GRID2: variants seen among roughly 807,000 people sequenced by gnomAD.
The protein encoded by GRID2 is glutamate receptor ionotropic, delta-2.
Under a neutral mutation model 114.8 loss-of-function variants are expected in GRID2, and 33 were observed. The ratio of observed to expected loss-of-function variants is 0.29; its 90% confidence interval spans 0.22 to 0.38. The LOEUF (loss-of-function observed/expected upper bound fraction) is 0.38, where lower values mean the gene tolerates loss of function less well. Ranked by LOEUF, GRID2 falls within the 10% of genes least tolerant of loss-of-function variation. GRID2 has a pLI of 1.00. For missense variants in GRID2, 1,184 were observed against 1,257.7 expected (o/e 0.94, Z 0.89); for synonymous variants, 505 against 449.9 (o/e 1.12, Z -1.55).
rs541858353 is a variant in GRID2, at chr4:93,360,830, T to A, written c.1246-34777T>A. On this transcript the variant is annotated intron_variant, in intron 8 of 15. Transcript: ENST00000282020. Reference sequence around the variant, plus strand: ...CAGTTATAGATGATTAGTGCCATTTTAAATTTTTTTTACTCCACATGCAAT... The same window carrying A: ...CAGTTATAGATGATTAGTGCCATTTAAAATTTTTTTTACTCCACATGCAAT... 1.6e-3 allele frequency among the ~76,000 whole-genome samples: 244 copies of A among 152,042 alleles called. 1 individual carries two copies. The highest frequency in any genetic ancestry group is 2.9e-3 in the Non-Finnish European group (194 of 67,906).
intron 2 of GRID2, among the ~76,000 whole-genome samples, chr4:92,703,998 G>T (rs1010977763): frequency 1.3e-5 from 2 of 152,084 alleles, no homozygotes; most frequent in Admixed American, 1.3e-4. Flanking sequence ...AGAATTGGCC[G>T]GGCGCAGTTG....
At chr4:93,807,241 A>G (rs1255430518) in exon 2 of GRID2, 1 of 152,186 alleles carries the variant, frequency 6.6e-6, no homozygotes, top group South Asian at 2.1e-4. Context: ...CTATCTGTGC[A>G]CGATTTTAAA....
intron 13 of GRID2, among the ~76,000 whole-genome samples, chr4:93,567,598 A>G (rs117397445): frequency 6.6e-6 from 1 of 152,234 alleles, no homozygotes; most frequent in African/African-American, 2.4e-5. Context: ...AATAAGACAG[A>G]TAATGTAAGA....
chr4:92,691,108 T>C (rs1220912948), intron 2 of GRID2, among the ~76,000 whole-genome samples: 3 of 152,180 alleles, frequency 2.0e-5, no homozygotes, highest in Non-Finnish European at 4.4e-5. Context: ...AGATAATTAG[T>C]GTCAGCAAAG....
At chr4:93,688,539 G>A (rs888114614) in intron 14 of GRID2, among the ~76,000 whole-genome samples, 1 of 151,862 alleles carries the variant, frequency 6.6e-6, no homozygotes, top group African/African-American at 2.4e-5. Flanking sequence ...GTAATAATTC[G>A]CAATATCTGG....
At chr4:93,058,525 T>A (rs1727475808) in intron 2 of GRID2, among the ~76,000 whole-genome samples, 1 of 152,160 alleles carries the variant, frequency 6.6e-6, no homozygotes, top group East Asian at 1.9e-4. Context: ...ATCGTGGCTT[T>A]TTTTTAGTTG....
intron 1 of GRID2, among the ~76,000 whole-genome samples, chr4:92,548,098 A>G (rs896824410): frequency 1.3e-5 from 2 of 152,188 alleles, no homozygotes; most frequent in African/African-American, 4.8e-5. Context: ...TTGGAATAAT[A>G]TAATACTCTG....
chr4:93,385,580 C>A (rs1417999329), intron 8 of GRID2, among the ~76,000 whole-genome samples: 1 of 152,142 alleles, frequency 6.6e-6, no homozygotes, highest in Non-Finnish European at 1.5e-5. Flanking sequence ...AGGCAAAGAT[C>A]TTTGCCTATG....
chr4:92,423,340 G>A (rs1339697094), intron 1 of GRID2, among the ~76,000 whole-genome samples: 1 of 152,104 alleles, frequency 6.6e-6, no homozygotes. Flanking sequence ...GAACACCAGT[G>A]AGTTTAGGAG....
intron 14 of GRID2, among the ~76,000 whole-genome samples, chr4:93,767,755 T>TA (rs918048768): frequency 2.0e-5 from 3 of 152,222 alleles, no homozygotes; most frequent in Admixed American, 2.0e-4. Context: ...ATGAAACAGG[T>TA]AAAAAGGTCA....
intron 1 of GRID2, among the ~76,000 whole-genome samples, chr4:92,387,641 G>T (rs1215573625): frequency 6.6e-6 from 1 of 151,950 alleles, no homozygotes; most frequent in Non-Finnish European, 1.5e-5. Context: ...AGGGAGGAAG[G>T]AAGTGTAAGT....
chr4:92,882,871 G>T (rs1050862329), intron 2 of GRID2, among the ~76,000 whole-genome samples: 7 of 152,184 alleles, frequency 4.6e-5, no homozygotes, highest in African/African-American at 1.7e-4. Flanking sequence ...CCTTCAACAA[G>T]TACAAATCTT....
intron 1 of GRID2, among the ~76,000 whole-genome samples, chr4:92,371,712 AC>A (rs1729125555): frequency 1.3e-5 from 2 of 152,212 alleles, no homozygotes; most frequent in Non-Finnish European, 2.9e-5. Context: ...TGCTATTACA[AC>A]ATTTATTTTG....
At chr4:92,719,445 TAATG>T (rs1167490974) in intron 2 of GRID2, among the ~76,000 whole-genome samples, 1 of 152,204 alleles carries the variant, frequency 6.6e-6, no homozygotes, top group Admixed American at 6.6e-5. Flanking sequence ...ATGGTTTAAT[TAATG>T]ATCGTTACTC....
chr4:92,844,720 A>AG (rs71579580), intron 2 of GRID2, among the ~76,000 whole-genome samples: 1 of 150,806 alleles, frequency 6.6e-6, no homozygotes, highest in Non-Finnish European at 1.5e-5. Context: ...AAAAAAAAAA[A>AG]GAAAGAAAAA....
chr4:93,714,414 T>C (rs1451603422), intron 14 of GRID2, among the ~76,000 whole-genome samples: 1 of 152,342 alleles, frequency 6.6e-6, no homozygotes, highest in Admixed American at 6.5e-5. Flanking sequence ...TATGCATGTA[T>C]CTTCATAACA....
chr4:93,530,985 G>T (rs1731382345), intron 13 of GRID2, among the ~76,000 whole-genome samples: 1 of 152,092 alleles, frequency 6.6e-6, no homozygotes, highest in Non-Finnish European at 1.5e-5. Flanking sequence ...TATAAGAACA[G>T]ATTTCAGTAC....
At chr4:93,643,367 C>A (rs1721798083) in intron 14 of GRID2, among the ~76,000 whole-genome samples, 2 of 29,506 alleles carry the variant, frequency 6.8e-5, no homozygotes, top group South Asian at 4.3e-3. Flanking sequence ...GAACTGCGTT[C>A]CTTTGGAGGA....
chr4:92,745,703 G>C (rs1011337629), intron 2 of GRID2, among the ~76,000 whole-genome samples: 1 of 152,032 alleles, frequency 6.6e-6, no homozygotes, highest in African/African-American at 2.4e-5. Flanking sequence ...AGTTGAATGA[G>C]AGCAATAATT....
Sources: allele counts gnomAD v4.1 joint callset (sites outside exome capture counted in the v4.1 genomes callset), GRCh38; gene constraint gnomAD v4.1.1; transcripts MANE v1.5; gene names NCBI Gene and HGNC (gene_info 2026-07-23, HGNC 2026-07-21).